The following PID1 variants were observed in gnomAD, a reference collection of about 807,000 sequenced individuals.
PID1 encodes phosphotyrosine interaction domain containing 1, also known as PTB-containing, cubilin and LRP1-interacting protein.
In PID1, 10 loss-of-function variants were observed where a neutral mutation model predicts 19.1. The observed-to-expected ratio is 0.52, with a 90% CI of 0.32 to 0.89. The LOEUF is 0.89. Ranked by LOEUF, PID1 falls within the 40% of genes least tolerant of loss-of-function variation. The pLI is 0.03. For missense variants in PID1, 248 were observed against 285.3 expected (o/e 0.87, Z 0.94); for synonymous variants, 130 against 116.0 (o/e 1.12, Z -0.78).
At chr2:229,105,390 C>A (rs1333190052) in intron 2 of PID1, among the ~76,000 whole-genome samples, 1 of 152,216 alleles carries the variant, frequency 6.6e-6, no homozygotes, top group Non-Finnish European at 1.5e-5. Context: ...TTCAGCAAGG[C>A]TAAACCCAAT....
intron 1 of PID1, among the ~76,000 whole-genome samples, chr2:229,181,272 A>AG (rs529851821): frequency 3.8e-4 from 58 of 152,338 alleles, no homozygotes; most frequent in Non-Finnish European, 5.7e-4. Context: ...GAGGCCCCGA[A>AG]GGGAGAAAGA....
At chr2:229,215,726 T>C (rs768715894) in intron 1 of PID1, among the ~76,000 whole-genome samples, 1 of 152,178 alleles carries the variant, frequency 6.6e-6, no homozygotes, top group African/African-American at 2.4e-5. Context: ...AGTTCAAATA[T>C]GTACACAGAT....
intron 1 of PID1, among the ~76,000 whole-genome samples, chr2:229,201,788 C>G (rs964962899): frequency 6.6e-6 from 1 of 152,096 alleles, no homozygotes; most frequent in Non-Finnish European, 1.5e-5. Context: ...ACCACCAATA[C>G]TTACTTCTGG....
intron 1 of PID1, among the ~76,000 whole-genome samples, chr2:229,205,441 A>G (rs1055975514): frequency 6.6e-6 from 1 of 152,162 alleles, no homozygotes; most frequent in Non-Finnish European, 1.5e-5. Flanking sequence ...GCAAATTCAC[A>G]TCTTCCACAA....
chr2:229,210,653 T>G (rs888669157), intron 1 of PID1, among the ~76,000 whole-genome samples: 1 of 151,824 alleles, frequency 6.6e-6, no homozygotes, highest in African/African-American at 2.4e-5. Flanking sequence ...GCTTTTTGTC[T>G]TATAAATTCT....
intron 2 of PID1, among the ~76,000 whole-genome samples, chr2:229,073,906 G>A (rs1490735308): frequency 6.6e-6 from 1 of 152,242 alleles, no homozygotes; most frequent in East Asian, 1.9e-4. Context: ...ATGGTCCAGG[G>A]AAATCAGTAT....
intron 2 of PID1, among the ~76,000 whole-genome samples, chr2:229,111,911 T>G (rs1287204180): frequency 6.6e-6 from 1 of 152,194 alleles, no homozygotes; most frequent in Admixed American, 6.5e-5. Flanking sequence ...AGAGATAACA[T>G]TCTAGAGGGT....
At chr2:229,098,593 G>C (rs974043861) in intron 2 of PID1, among the ~76,000 whole-genome samples, 5 of 152,060 alleles carry the variant, frequency 3.3e-5, no homozygotes, top group Admixed American at 3.3e-4. Context: ...GGCTGGGGGG[G>C]AAGAAATTAG....
At chr2:229,153,721 T>C (rs1690306064) in intron 2 of PID1, among the ~76,000 whole-genome samples, 1 of 152,184 alleles carries the variant, frequency 6.6e-6, no homozygotes, top group African/African-American at 2.4e-5. Flanking sequence ...CTAGCAAATA[T>C]TTTTCTCTCT....
At chr2:229,078,888 G>C (rs1289640572) in intron 2 of PID1, among the ~76,000 whole-genome samples, 5 of 151,652 alleles carry the variant, frequency 3.3e-5, no homozygotes, top group African/African-American at 4.8e-5. Context: ...CAGCTGCTTT[G>C]CAATGGAAAA....
intron 1 of PID1, among the ~76,000 whole-genome samples, chr2:229,202,872 C>T (rs1292737107): frequency 7.9e-5 from 12 of 152,068 alleles, no homozygotes; most frequent in Non-Finnish European, 1.8e-4. Context: ...CCATTAATGT[C>T]CTTCATTCCA....
chr2:229,173,479 T>C (rs1389222531), intron 1 of PID1, among the ~76,000 whole-genome samples: 1 of 152,212 alleles, frequency 6.6e-6, no homozygotes, highest in Non-Finnish European at 1.5e-5. Flanking sequence ...AACCTACCTC[T>C]TAAATCCTAC....
chr2:229,171,261 A>G (rs946081511), intron 1 of PID1, among the ~76,000 whole-genome samples: 1 of 152,228 alleles, frequency 6.6e-6, no homozygotes, highest in Non-Finnish European at 1.5e-5. Context: ...TTTGGGAAGA[A>G]AGTAAAAATA....
chr2:229,140,976 T>TTC (rs1491496673), intron 2 of PID1, among the ~76,000 whole-genome samples: 1 of 72,032 alleles, frequency 1.4e-5, no homozygotes, highest in East Asian at 3.1e-4. Flanking sequence ...AAATAAACTA[T>TTC]TTTTTTTTTT....
chr2:229,046,436 TA>T (rs1193881701), intron 2 of PID1, among the ~76,000 whole-genome samples: 2 of 150,708 alleles, frequency 1.3e-5, no homozygotes, highest in Admixed American at 6.6e-5. Flanking sequence ...CACTTTGTGG[TA>T]AAAAAAATTT....
At chr2:229,180,911 T>G (rs1690928115) in intron 1 of PID1, among the ~76,000 whole-genome samples, 1 of 152,344 alleles carries the variant, frequency 6.6e-6, no homozygotes, top group African/African-American at 2.4e-5. Context: ...GTTCAACTGC[T>G]GTTTCACTGG....
intron 1 of PID1, among the ~76,000 whole-genome samples, chr2:229,263,143 A>G (rs1480443603): frequency 6.6e-6 from 1 of 152,232 alleles, no homozygotes; most frequent in Non-Finnish European, 1.5e-5. Flanking sequence ...TGTCAAAGAT[A>G]CATGTAACAG....
intron 1 of PID1, among the ~76,000 whole-genome samples, chr2:229,164,063 T>A (rs1690550347): frequency 6.6e-6 from 1 of 152,214 alleles, no homozygotes; most frequent in South Asian, 2.1e-4. Flanking sequence ...TCCAGCTGAC[T>A]GTTGCAACTG....
At chr2:229,049,238 C>T (rs1397456056) in intron 2 of PID1, among the ~76,000 whole-genome samples, 8 of 151,788 alleles carry the variant, frequency 5.3e-5, no homozygotes, top group Admixed American at 4.6e-4. Context: ...AAATGGTATC[C>T]TGTTATTTTT....
Sources: gnomAD v4.1 joint callset for allele counts (sites outside exome capture counted in the v4.1 genomes callset) on GRCh38, gnomAD v4.1.1 for gene constraint, MANE v1.5 for transcripts, NCBI Gene and HGNC (gene_info 2026-07-23, HGNC 2026-07-21) for gene names.